Variants in PCSK5 observed in about 807,000 individuals in gnomAD.
PCSK5 encodes the protein proprotein convertase subtilisin/kexin type 5, also known as prohormone convertase 5.
Under a neutral mutation model 233.2 loss-of-function variants are expected in PCSK5, and 129 were observed. The observed-to-expected ratio is 0.55, with a 90% confidence interval of 0.48 to 0.64. The LOEUF (loss-of-function observed/expected upper bound fraction) is 0.64, where lower values mean the gene tolerates loss of function less well. Among genes scored for constraint, PCSK5 ranks in the 30% least tolerant of loss-of-function variants. The probability of loss-of-function intolerance (pLI) is 0.00; values close to 1 mark genes in which losing one functional copy is unlikely to be tolerated. For synonymous variants in PCSK5, 825 were observed against 879.2 expected (o/e 0.94, Z 1.09); for missense variants, 2,076 against 2,430.1 (o/e 0.85, Z 3.06).
intron 5 of PCSK5, among the ~76,000 whole-genome samples, chr9:76,046,182 T>TTTTTTTTTTTTTTG (rs1829380469): frequency 8.2e-6 from 1 of 122,504 alleles, no homozygotes; most frequent in Non-Finnish European, 1.7e-5. Flanking sequence ...TTTTTTTTTT[T>TTTTTTTTTTTTTTG]TTTTTTTTTT....
At chr9:76,265,193 G>C (rs974099322) in intron 24 of PCSK5, among the ~76,000 whole-genome samples, 1 of 152,000 alleles carries the variant, frequency 6.6e-6, no homozygotes, top group Non-Finnish European at 1.5e-5. Context: ...TTTATAAAAG[G>C]GAACTAAACA....
intron 7 of PCSK5, among the ~76,000 whole-genome samples, chr9:76,079,720 G>C (rs1384359221): frequency 6.6e-6 from 1 of 152,176 alleles, no homozygotes; most frequent in Non-Finnish European, 1.5e-5. Flanking sequence ...AGTGTTGAGA[G>C]TGGGCATTCC....
At chr9:76,216,233 C>A (rs114709698) in intron 20 of PCSK5, among the ~76,000 whole-genome samples, 3 of 152,024 alleles carry the variant, frequency 2.0e-5, no homozygotes, top group African/African-American at 7.2e-5. Flanking sequence ...TGGAACCCGG[C>A]GCTCTACAGC....
intron 24 of PCSK5, among the ~76,000 whole-genome samples, chr9:76,283,805 A>G (rs1827960793): frequency 6.6e-6 from 1 of 152,252 alleles, no homozygotes; most frequent in African/African-American, 2.4e-5. Flanking sequence ...GAATCTAATC[A>G]TATCATTCAA....
intron 9 of PCSK5, among the ~76,000 whole-genome samples, chr9:76,119,619 G>A (rs565619076): frequency 1.3e-5 from 2 of 151,684 alleles, no homozygotes; most frequent in East Asian, 3.9e-4. Flanking sequence ...TTCATGTAGT[G>A]TTTTCTTTAT....
chr9:75,907,275 A>C (rs1453701703), intron 1 of PCSK5, among the ~76,000 whole-genome samples: 2 of 152,200 alleles, frequency 1.3e-5, no homozygotes, highest in African/African-American at 4.8e-5. Context: ...TAGTCATTAA[A>C]TATTGGTTGA....
intron 7 of PCSK5, 111 bp downstream of exon 7, chr9:76,072,009 C>A: frequency 9.8e-7 from 1 of 1,018,574 alleles, no homozygotes; most frequent in Non-Finnish European, 1.4e-6. Context: ...AGCTCCTAGG[C>A]TGAGCCAGCA....
intron 10 of PCSK5, among the ~76,000 whole-genome samples, chr9:76,148,441 T>C (rs1202581796): frequency 6.6e-6 from 1 of 151,644 alleles, no homozygotes; most frequent in Non-Finnish European, 1.5e-5. Context: ...TTCTTTTCAG[T>C]TACAAGGATC....
chr9:76,028,546 T>A (rs1307419306), intron 5 of PCSK5, among the ~76,000 whole-genome samples: 2 of 152,192 alleles, frequency 1.3e-5, no homozygotes, highest in Non-Finnish European at 2.9e-5. Flanking sequence ...CAGAAATGGT[T>A]GAGCCAGATT....
chr9:76,184,316 A>C (rs1413128793), intron 16 of PCSK5, among the ~76,000 whole-genome samples: 3 of 151,988 alleles, frequency 2.0e-5, no homozygotes, highest in Non-Finnish European at 2.9e-5. Context: ...ATGTTGTCCC[A>C]GCTTCATGAG....
intron 7 of PCSK5, among the ~76,000 whole-genome samples, chr9:76,093,676 G>A (rs904972007): frequency 1.3e-5 from 2 of 151,846 alleles, no homozygotes; most frequent in African/African-American, 4.8e-5. Context: ...GTTTAAATCA[G>A]GTGGGTTTTG....
intron 8 of PCSK5, among the ~76,000 whole-genome samples, chr9:76,100,522 C>T (rs946363841): frequency 6.6e-6 from 1 of 152,148 alleles, no homozygotes; most frequent in African/African-American, 2.4e-5. Context: ...AAACAAAAAC[C>T]ATAGCTAGTA....
chr9:75,948,925 G>T (rs1824714132), intron 2 of PCSK5, among the ~76,000 whole-genome samples: 1 of 151,798 alleles, frequency 6.6e-6, no homozygotes, highest in Admixed American at 6.6e-5. Context: ...TATAAGACTA[G>T]AAAAACAAAC....
chr9:76,008,049 G>C (rs187045366), intron 3 of PCSK5, among the ~76,000 whole-genome samples: 1 of 151,834 alleles, frequency 6.6e-6, no homozygotes, highest in African/African-American at 2.4e-5. Flanking sequence ...TCTGAGCTCC[G>C]TGCAGGTCTC....
chr9:76,150,267 G>A (rs1006399473), intron 10 of PCSK5, among the ~76,000 whole-genome samples: 6 of 152,242 alleles, frequency 3.9e-5, no homozygotes, highest in East Asian at 1.9e-4. Flanking sequence ...CACTGGTGAC[G>A]GCTGGCATGT....
intron 20 of PCSK5, chr9:76,193,371 T>TTTGTTCCTGTAGAC (rs1305643300): frequency 1.2e-6 from 2 of 1,604,888 alleles, no homozygotes; most frequent in Middle Eastern, 3.3e-4. Flanking sequence ...CTTAGATTTC[T>TTTGTTCCTGTAGAC]TTGTTCCTGT....
At chr9:76,027,241 C>T (rs555946509) in intron 5 of PCSK5, among the ~76,000 whole-genome samples, 7 of 152,124 alleles carry the variant, frequency 4.6e-5, no homozygotes, top group African/African-American at 1.7e-4. Flanking sequence ...AGAGAGAGCC[C>T]TGGGGAATGG....
At chr9:76,188,824 A>G (rs928104812) in intron 18 of PCSK5, 149 bp downstream of exon 18, 2 of 657,570 alleles carry the variant, frequency 3.0e-6, no homozygotes, top group Non-Finnish European at 5.2e-6. Flanking sequence ...GTGTATTCTC[A>G]TTGAAAGTCA....
In PCSK5 at chr9:76,096,190, T is replaced by TACACACAC. The variant is rs3074177; in HGVS notation, c.1107+106_1107+113dup. 8.2e-4 allele frequency: 485 copies of TACACACAC among 591,646 alleles called. 2 individuals carry two copies. In the South Asian group the frequency reaches 9.0e-3, roughly 11 times the overall value. 36.6% of individuals were successfully genotyped at this position (591,646 alleles called of 1,614,324 possible). ...GGAGAACCATAAACATATATATATA[T>TACACACAC]ACACACACACACACACACACACACA... On this transcript the variant is annotated intron_variant, in intron 8 of 37. Coordinates refer to ENST00000674117, the MANE Select transcript of PCSK5 (RefSeq NM_001372043.1).
Sources: allele counts gnomAD v4.1 joint callset (sites outside exome capture counted in the v4.1 genomes callset), GRCh38; gene constraint gnomAD v4.1.1; transcripts MANE v1.5; gene names NCBI Gene and HGNC (gene_info 2026-07-23, HGNC 2026-07-21).